Variants in STK11IP observed in about 807,000 individuals in gnomAD.
STK11IP encodes the protein serine/threonine kinase 11 interacting protein, also known as serine/threonine-protein kinase 11-interacting protein.
Under a neutral mutation model 131.7 loss-of-function variants are expected in STK11IP, and 103 were observed. That is an observed-to-expected ratio of 0.78 (90% CI 0.67 to 0.92). STK11IP has a LOEUF of 0.92. Ranked by LOEUF, STK11IP falls within the 40% of genes least tolerant of loss-of-function variation. The pLI is 0.00. For missense variants in STK11IP, 1,315 were observed against 1,385.7 expected (o/e 0.95, Z 0.81); for synonymous variants, 557 against 575.6 (o/e 0.97, Z 0.46).
chr2:219,608,952 AG>A, intron 15 of STK11IP, 144 bp from the exon 16 acceptor site: 6 of 1,031,314 alleles, frequency 5.8e-6, no homozygotes, highest in Non-Finnish European at 8.4e-6. Flanking sequence ...GCTGAGGAGC[AG>A]GGATTCTGTG....
intron 8 of STK11IP, 62 bp from the exon 9 acceptor site, chr2:219,605,894 C>T: frequency 7.4e-6 from 11 of 1,482,558 alleles, no homozygotes; most frequent in Non-Finnish European, 8.3e-6. Context: ...CCAGTGCATG[C>T]ACCACACTCA....
chr2:219,613,842 G>T lies in STK11IP; in HGVS notation c.2628G>T (p.Leu876=), dbSNP rs1163744767. 6.2e-7 allele frequency: 1 copy of T among 1,612,246 alleles called. No homozygotes were observed. Among genetic ancestry groups the T allele is most frequent in the Admixed American group, 1.7e-5 (1 of 59,986 alleles). The change falls in exon 21 of 25, where the codon CTG becomes CTT. Residue 876 remains leucine (L), a synonymous_variant. Coordinates refer to ENST00000456909, the MANE Select transcript of STK11IP (RefSeq NM_052902.4). ...GIELGLAGQS[L]RLEWAAGAGR... is the part of the protein sequence containing the mutation. ...AGCTGGGCCTGGCAGGCCAGAGCCT[G>T]CGGCTAGAGTGGGCAGCTGGGGCGG...
In STK11IP at chr2:219,605,599, C is replaced by T. The variant is rs1698123412; in HGVS notation, c.619-9C>T. 1 of 1,551,460 alleles carries T rather than the reference C, an allele frequency of 6.4e-7. No individual in the cohort carries two copies. Among genetic ancestry groups the T allele is most frequent in the Non-Finnish European group, 8.7e-7 (1 of 1,146,976 alleles). On this transcript the variant is annotated splice_polypyrimidine_tract_variant and intron_variant, in intron 7 of 24. Coordinates refer to ENST00000456909, the MANE Select transcript of STK11IP (RefSeq NM_052902.4). ...GAGATAATCTTTTTCTCCCCTGTAC[C>T]CCTGCCAGGATTTGTGTGAGCTCCA...
chr2:219,609,009 C>A, intron 15 of STK11IP, 88 bp from the exon 16 acceptor site: 1 of 1,144,262 alleles, frequency 8.7e-7, no homozygotes, highest in Non-Finnish European at 1.3e-6. Context: ...CTTCAGAGGT[C>A]CTGCCATCCT....
Position 219,605,663 on chromosome 2 carries a change from C to G in STK11IP, c.674C>G (p.Pro225Arg), listed in dbSNP as rs1229593166. The change falls in exon 8 of 25, where the codon CCA becomes CGA. Residue 225 changes from proline to arginine, a missense_variant. By Grantham distance (103) the Pro-to-Arg change is moderately radical. Transcript: ENST00000456909. ...TCCTATAATCGCCTGCATTTGGTGC[C>G]AAGAATGGGACCCTCAGGGGCTGCT... ...DISYNRLHLV[P>R]RMGPSGAALG... is the part of the protein sequence containing the mutation. The G allele has an allele frequency of 6.4e-7, 1 of 1,560,412 alleles. No homozygotes were observed. The highest frequency in any genetic ancestry group is 8.7e-7 in the Non-Finnish European group (1 of 1,152,044).
chr2:219,608,979 C>A, intron 15 of STK11IP, 118 bp from the exon 16 acceptor site: 1 of 1,042,234 alleles, frequency 9.6e-7, no homozygotes, highest in South Asian at 1.6e-5. Context: ...GCTTGGACGT[C>A]AGTACAGGCC....
In STK11IP at chr2:219,613,939, G is replaced by C. The variant is rs1698491771; in HGVS notation, c.2716+9G>C. ...CCTAGAGGAGCTCCTTGGTGAGAGA[G>C]GGGAGGGGAAGGCAGGAGGGTGGGC... On this transcript the variant is annotated intron_variant, in intron 21 of 24. Transcript: ENST00000456909. 6.3e-7 allele frequency: 1 copy of C among 1,576,908 alleles called. No individual in the cohort carries two copies. The highest frequency in any genetic ancestry group is 8.6e-7 in the Non-Finnish European group (1 of 1,159,738).
chr2:219,605,629 C>A lies in STK11IP; in HGVS notation c.640C>A (p.Leu214Met), dbSNP rs200281034. 191 of 1,552,192 alleles carry A rather than the reference C, an allele frequency of 1.2e-4. No homozygotes were observed. The highest frequency in any genetic ancestry group is 1.5e-4 in the Non-Finnish European group (169 of 1,147,306). ...FLMDLCELHH[L>M]DISYNRLHLV... is the part of the protein sequence containing the mutation. Reference sequence around the variant, plus strand: ...CCAGGATTTGTGTGAGCTCCACCATCTGGACATCTCCTATAATCGCCTGCA... The same window carrying A: ...CCAGGATTTGTGTGAGCTCCACCATATGGACATCTCCTATAATCGCCTGCA... The change falls in exon 8 of 25, where the codon CTG (leucine) becomes ATG (methionine). Residue 214 changes from leucine (L) to methionine (M), a missense_variant. Coordinates refer to ENST00000456909, the MANE Select transcript of STK11IP (RefSeq NM_052902.4).
At chr2:219,598,027 CGGACGCCCT>C (rs1697848273) in intron 1 of STK11IP, 58 bp from the exon 2 acceptor site, 1 of 1,569,342 alleles carries the variant, frequency 6.4e-7, no homozygotes, top group South Asian at 1.2e-5. Context: ...TCGGTTTGCG[CGGACGCCCT>C]GGGCTTTTGG....
chr2:219,609,312 T>A (rs762766389), intron 16 of STK11IP, 51 bp from the exon 17 acceptor site: 1 of 1,596,614 alleles, frequency 6.3e-7, no homozygotes, highest in Non-Finnish European at 8.5e-7. Flanking sequence ...GTGGGAGGTG[T>A]CCGTCTGGGG....
intron 17 of STK11IP, among the ~76,000 whole-genome samples, chr2:219,610,894 A>T (rs1295205832): frequency 6.6e-6 from 1 of 152,228 alleles, no homozygotes; most frequent in East Asian, 1.9e-4. Context: ...CAGCATGTGT[A>T]AATGATTTAA....
chr2:219,600,059 G>GTTTT (rs57060581), intron 2 of STK11IP, among the ~76,000 whole-genome samples: 46 of 91,712 alleles, frequency 5.0e-4, no homozygotes, highest in East Asian at 9.4e-4. Context: ...TTTTGTTTTT[G>GTTTT]TTTTTTTTTT....
chr2:219,598,761 G>A (rs1023749304), intron 2 of STK11IP, among the ~76,000 whole-genome samples: 14 of 152,254 alleles, frequency 9.2e-5, no homozygotes, highest in South Asian at 2.1e-4. Flanking sequence ...GCTTGGCACT[G>A]TGCCTGGGCA....
chr2:219,602,346 C>G (rs1047101735), intron 5 of STK11IP, 122 bp from the exon 6 acceptor site: 1 of 774,228 alleles, frequency 1.3e-6, no homozygotes, highest in Non-Finnish European at 2.1e-6. Flanking sequence ...GGGCTTTAAG[C>G]CTGTATCTTC....
At chr2:219,604,933 G>C (rs554335170) in intron 7 of STK11IP, among the ~76,000 whole-genome samples, 12 of 152,022 alleles carry the variant, frequency 7.9e-5, no homozygotes, top group Admixed American at 2.0e-4. Flanking sequence ...GGGTTCAAGC[G>C]ATTCTCCTGC....
chr2:219,605,492 AGT>A, intron 7 of STK11IP, 114 bp from the exon 8 acceptor site: 1 of 936,436 alleles, frequency 1.1e-6, no homozygotes, highest in Non-Finnish European at 1.6e-6. Context: ...ATTTGTGCTG[AGT>A]GTGTGCAGTT....
At chr2:219,603,735 T>C (rs1261090599) in intron 7 of STK11IP, among the ~76,000 whole-genome samples, 2 of 151,914 alleles carry the variant, frequency 1.3e-5, no homozygotes, top group Non-Finnish European at 2.9e-5. Flanking sequence ...TTAGCCAGGC[T>C]GGTCTTGAAC....
chr2:219,608,657 A>T lies in STK11IP; in HGVS notation c.1678A>T (p.Arg560Trp), dbSNP rs1698285093. ...EGVRGRECFL[R>W]VTSAHLFEVE... is the part of the protein sequence containing the mutation. Reference sequence around the variant, plus strand: ...CGTACGGGGCAGGGAATGCTTTCTCAGGGTCACTTCTGCCCACCTGTTTGA... The same window carrying T: ...CGTACGGGGCAGGGAATGCTTTCTCTGGGTCACTTCTGCCCACCTGTTTGA... Residue 560 changes from arginine to tryptophan, a missense_variant, in exon 15 of 25, where the codon AGG becomes TGG. Physicochemically the swap from Arg to Trp is moderately radical, Grantham distance 101. Coordinates refer to ENST00000456909, the MANE Select transcript of STK11IP (RefSeq NM_052902.4). 1.9e-6 allele frequency: 3 copies of T among 1,613,462 alleles called. No individual in the cohort carries two copies. Among genetic ancestry groups the T allele is most frequent in the Non-Finnish European group, 2.5e-6 (3 of 1,179,712 alleles).
At chr2:219,599,100 T>G (rs1189641305) in intron 2 of STK11IP, among the ~76,000 whole-genome samples, 2 of 152,156 alleles carry the variant, frequency 1.3e-5, no homozygotes, top group African/African-American at 4.8e-5. Context: ...TTTCTTTTCT[T>G]TTTTTTGAGA....
Sources: allele counts gnomAD v4.1 joint callset (sites outside exome capture counted in the v4.1 genomes callset), GRCh38; gene constraint gnomAD v4.1.1; transcripts MANE v1.5; gene names NCBI Gene and HGNC (gene_info 2026-07-23, HGNC 2026-07-21).